Variants in SIRT1 observed in about 807,000 individuals in gnomAD.
SIRT1 encodes the protein NAD-dependent protein deacetylase sirtuin-1.
A neutral mutation model predicts 67.9 loss-of-function variants in SIRT1; 24 were observed. The ratio of observed to expected loss-of-function variants is 0.35; its 90% CI spans 0.26 to 0.50. The LOEUF is 0.50. SIRT1 is among the 20% of genes least tolerant of loss of function. The pLI is 0.98. For missense variants in SIRT1, 873 were observed against 937.2 expected, an observed-to-expected ratio of 0.93 and a Z score of 0.89; for synonymous variants, 378 against 350.7, an observed-to-expected ratio of 1.08 and a Z score of -0.87.
chr10:67,887,197 T>G (rs1842496701), intron 1 of SIRT1, among the ~76,000 whole-genome samples: 1 of 152,170 alleles, frequency 6.6e-6, no homozygotes, highest in Admixed American at 6.5e-5. Context: ...TAAGTAGACT[T>G]AATTTATTTT....
intron 6 of SIRT1, among the ~76,000 whole-genome samples, chr10:67,908,394 T>C (rs944408556): frequency 1.3e-5 from 2 of 152,164 alleles, no homozygotes; most frequent in African/African-American, 4.8e-5. Context: ...CAAGTTGTTG[T>C]TGTAGTAGTT....
rs1011345346 is a variant in SIRT1 at position 67,884,863 on chromosome 10, C to T, written c.142C>T (p.Pro48Ser). The change falls in exon 1 of 9, where the codon CCG becomes TCG. Residue 48 changes from proline to serine, a missense_variant. Around this residue, in one of 3 missense-constraint regions of SIRT1, gnomAD observed 327 missense variants for 283.9 expected, o/e 1.15. Coordinates refer to ENST00000212015, the MANE Select transcript of SIRT1 (RefSeq NM_012238.5). ...AGATGGTCCCGGCCTCGAGCGGAGC[C>T]CGGGCGAGCCCGGTGGGGCGGCCCC... ...RRDGPGLERS[P>S]GEPGGAAPER... is the part of the protein sequence containing the mutation. 2.2e-5 allele frequency: 27 copies of T among 1,216,684 alleles called. No homozygotes were observed. The African/African-American group carries it at 3.3e-4, about 15-fold the overall frequency. 75.4% of individuals were successfully genotyped at this position (1,216,684 alleles called of 1,614,324 possible).
chr10:67,885,599 A>G (rs1347951665), intron 1 of SIRT1, among the ~76,000 whole-genome samples: 1 of 89,674 alleles, frequency 1.1e-5, no homozygotes, highest in East Asian at 2.0e-4. Context: ...CTTTTTGCAA[A>G]CTTGACACCT....
chr10:67,909,877 A>G (rs773348222), intron 7 of SIRT1, among the ~76,000 whole-genome samples: 5 of 151,090 alleles, frequency 3.3e-5, no homozygotes, highest in Admixed American at 6.6e-5. Context: ...GCCTGGCCAG[A>G]AATTCTTTAT....
chr10:67,910,833 CAG>C, intron 7 of SIRT1, among the ~76,000 whole-genome samples: 1 of 152,252 alleles, frequency 6.6e-6, no homozygotes, highest in South Asian at 2.1e-4. Context: ...AGTTTAGAAT[CAG>C]AGGAGGAGAG....
At chr10:67,896,606 C>T (rs1842661867) in intron 4 of SIRT1, among the ~76,000 whole-genome samples, 1 of 151,860 alleles carries the variant, frequency 6.6e-6, no homozygotes, top group Non-Finnish European at 1.5e-5. Context: ...AAGAGACCAG[C>T]CAACATGGTG....
Position 67,916,328 on chromosome 10 carries a change from A to C in SIRT1, c.1979A>C (p.Asp660Ala), listed in dbSNP as rs778184510. The C allele has an allele frequency of 2.5e-6, 4 of 1,613,786 alleles. No homozygotes were observed. The South Asian group carries it at 4.4e-5, about 18-fold the overall frequency. ...YIFHGAEVYSDSEDDVLSSSS... is the reference protein window; with the variant it reads ...YIFHGAEVYSASEDDVLSSSS... ...TTCCATGGCGCTGAGGTATATTCAG[A>C]CTCTGAAGATGACGTCTTATCCTCT... Residue 660 changes from aspartate to alanine, a missense_variant, in exon 9 of 9, where the codon GAC becomes GCC. Physicochemically the swap from Asp to Ala is moderately radical, Grantham distance 126 (BLOSUM62 -2). This residue lies in a region of SIRT1 where 295 missense variants were observed against 294.5 expected (regional missense o/e 1.00). Transcript: ENST00000212015.
chr10:67,909,689 C>T (rs1029002467), intron 7 of SIRT1, among the ~76,000 whole-genome samples: 1 of 152,090 alleles, frequency 6.6e-6, no homozygotes, highest in African/African-American at 2.4e-5. Context: ...ATTCTTCTGC[C>T]TCAGCCTTCT....
intron 4 of SIRT1, chr10:67,906,135 T>C (rs2131878993): frequency 1.5e-6 from 2 of 1,310,756 alleles, no homozygotes; most frequent in South Asian, 5.0e-5. Context: ...TTTTGCCATG[T>C]GTATATCTGA....
rs1842449698 is a variant in SIRT1, at chr10:67,884,906, C to T, written c.185C>T (p.Ala62Val). 5.7e-6 allele frequency: 7 copies of T among 1,221,316 alleles called. No homozygotes were observed. The highest frequency in any genetic ancestry group is 4.4e-5 in the Admixed American group (1 of 22,936). 75.7% of individuals were successfully genotyped at this position (1,221,316 alleles called of 1,614,324 possible). The change falls in exon 1 of 9, where the codon GCG becomes GTG. Residue 62 changes from alanine (A) to valine (V), a missense_variant. By Grantham distance (64) the Ala-to-Val change is moderately conservative. Transcript: ENST00000212015. ...GGAAPEREVPAAARGCPGAAA... is the reference protein window; with the variant it reads ...GGAAPEREVPVAARGCPGAAA... ...GCGGCCCCAGAGCGTGAGGTGCCGGCGGCGGCCAGGGGCTGCCCGGGTGCG... is the reference window on the plus strand; with the variant it reads ...GCGGCCCCAGAGCGTGAGGTGCCGGTGGCGGCCAGGGGCTGCCCGGGTGCG...
intron 4 of SIRT1, among the ~76,000 whole-genome samples, chr10:67,893,824 C>T (rs1163144531): frequency 2.0e-5 from 3 of 152,108 alleles, no homozygotes; most frequent in African/African-American, 7.2e-5. Context: ...ATTACAGGTG[C>T]GAGGCACCGC....
At chr10:67,891,072 A>T (rs977673658) in intron 3 of SIRT1, among the ~76,000 whole-genome samples, 1 of 151,326 alleles carries the variant, frequency 6.6e-6, no homozygotes, top group African/African-American at 2.4e-5. Context: ...ATTCTTCCCT[A>T]CTTAAAATAA....
Position 67,885,067 on chromosome 10 carries a change from C to A in SIRT1, c.346C>A (p.Leu116Met), listed in dbSNP as rs886702977. The change falls in exon 1 of 9, where the codon CTG (leucine) becomes ATG (methionine). Residue 116 changes from leucine to methionine, a missense_variant. Leu to Met is a conservative substitution (Grantham distance 15). Around this residue, in one of 3 missense-constraint regions of SIRT1, gnomAD observed 327 missense variants for 283.9 expected, o/e 1.15. Transcript: ENST00000212015. ...GLQGPSREPP[L>M]ADNLYDEDDD... is the part of the protein sequence containing the mutation. ...GCAGGGCCCATCTCGGGAGCCACCG[C>A]TGGCCGACAACTTGTACGACGAAGA... 9.0e-6 allele frequency: 13 copies of A among 1,437,408 alleles called. No individual in the cohort carries two copies. Among genetic ancestry groups the A allele is most frequent in the Non-Finnish European group, 1.2e-5 (13 of 1,088,516 alleles). The allele number at this position is 1,437,408 out of a possible 1,614,324, so 89.0% of individuals were successfully genotyped here.
chr10:67,884,886 C>G lies in SIRT1; in HGVS notation c.165C>G (p.Ala55=). The G allele has an allele frequency of 8.2e-7, 1 of 1,217,716 alleles. No individual in the cohort carries two copies. The highest frequency in any genetic ancestry group is 1.6e-5 in the African/African-American group (1 of 63,412). The allele number at this position is 1,217,716 out of a possible 1,614,324, so 75.4% of individuals were successfully genotyped here. The part of the protein sequence containing the change: ...ERSPGEPGGA[A]PEREVPAAAR... The stretch of plus-strand genomic sequence containing the variant: ...GCCCGGGCGAGCCCGGTGGGGCGGC[C>G]CCAGAGCGTGAGGTGCCGGCGGCGG... Residue 55 remains alanine, a synonymous_variant, in exon 1 of 9, where the codon GCC becomes GCG. Coordinates refer to ENST00000212015, the MANE Select transcript of SIRT1 (RefSeq NM_012238.5).
rs1025753815 is a variant in SIRT1 at position 67,916,893 on chromosome 10, GTATA to G, written c.*305_*308del. ...TCATTTGTATGATAAATTCATATGT[GTATA>G]TATAATTTTTTTTGTTTTGTCTAGT... On this transcript the variant is annotated 3_prime_UTR_variant, in exon 9 of 9. Transcript: ENST00000212015. The G allele has an allele frequency of 2.7e-5, 5 of 188,006 alleles. No homozygotes were observed. Among genetic ancestry groups the G allele is most frequent in the Non-Finnish European group, 4.3e-5 (4 of 93,114 alleles). The allele number at this position is 188,006 out of a possible 1,614,324, so 11.6% of individuals were successfully genotyped here.
In SIRT1 at chr10:67,917,303, C is replaced by T. The variant is rs752578; in HGVS notation, c.*710C>T. ...TTTTGTACTTCCTGTGGACATGTAG[C>T]AATGTCTATATTGGCTCATAAAACT... On this transcript the variant is annotated 3_prime_UTR_variant, in exon 9 of 9. Transcript: ENST00000212015. 0.97 allele frequency: 147,794 copies of T among 152,720 alleles called. 71,695 individuals are homozygous for T. Among genetic ancestry groups the T allele is most frequent in the East Asian group, 1 (5,180 of 5,180 alleles). The allele number at this position is 152,720 out of a possible 1,614,324, so 9.5% of individuals were successfully genotyped here. A position where few individuals can be genotyped will look rare whatever the true frequency, so the allele number is the denominator to read the frequency against.
At chr10:67,887,049 A>G (rs1363023563) in intron 1 of SIRT1, among the ~76,000 whole-genome samples, 1 of 151,828 alleles carries the variant, frequency 6.6e-6, no homozygotes, top group East Asian at 1.9e-4. Flanking sequence ...TTTTTGTATT[A>G]TTAGTAGAGA....
At chr10:67,910,909 A>G (rs1457945508) in intron 7 of SIRT1, among the ~76,000 whole-genome samples, 1 of 152,128 alleles carries the variant, frequency 6.6e-6, no homozygotes, top group Non-Finnish European at 1.5e-5. Flanking sequence ...GAGGAAAAAT[A>G]TTAAATCCCT....
chr10:67,905,852 T>G (rs1489623009), intron 4 of SIRT1, among the ~76,000 whole-genome samples: 1 of 152,236 alleles, frequency 6.6e-6, no homozygotes, highest in Non-Finnish European at 1.5e-5. Flanking sequence ...TCAATTCTTT[T>G]TAATGGCTAC....
Sources: allele counts gnomAD v4.1 joint callset (sites outside exome capture counted in the v4.1 genomes callset), GRCh38; gene constraint gnomAD v4.1.1; regional missense constraint gnomAD v4.1.1; transcripts MANE v1.5; gene names NCBI Gene and HGNC (gene_info 2026-07-23, HGNC 2026-07-21).